Variants in ABCC3 observed in about 807,000 individuals in gnomAD.
ABCC3 encodes ATP binding cassette subfamily C member 3.
In ABCC3, 121 loss-of-function variants were observed where a neutral mutation model predicts 165.3. The observed-to-expected ratio is 0.73, with a 90% CI of 0.63 to 0.85. The LOEUF (loss-of-function observed/expected upper bound fraction) is 0.85, where lower values mean the gene tolerates loss of function less well. ABCC3 is among the 40% of genes least tolerant of loss of function. The pLI is 0.00. For missense variants in ABCC3, 1,869 were observed against 1,964.1 expected (o/e 0.95, Z 0.92); for synonymous variants, 733 against 810.1 (o/e 0.90, Z 1.62).
intron 2 of ABCC3, among the ~76,000 whole-genome samples, chr17:50,656,501 C>A (rs1967251290): frequency 1.3e-5 from 2 of 152,214 alleles, no homozygotes; most frequent in Non-Finnish European, 2.9e-5. Context: ...CTGACATATT[C>A]CCCACTTGGG....
chr17:50,657,233 G>A, intron 4 of ABCC3, 50 bp downstream of exon 4: 1 of 1,595,460 alleles, frequency 6.3e-7, no homozygotes, highest in East Asian at 2.2e-5. Flanking sequence ...TGATAGGAGG[G>A]TGACCTCAGG....
chr17:50,680,670 T>C (rs889547878), intron 26 of ABCC3, among the ~76,000 whole-genome samples: 1 of 151,994 alleles, frequency 6.6e-6, no homozygotes, highest in Non-Finnish European at 1.5e-5. Context: ...ACACAAACGC[T>C]CTCACCTGCC....
chr17:50,657,023 G>A (rs1320232634), intron 3 of ABCC3, 23 bp from the exon 4 acceptor site: 1 of 1,609,122 alleles, frequency 6.2e-7, no homozygotes, highest in Non-Finnish European at 8.5e-7. Flanking sequence ...TTCTGCCCGG[G>A]CCTCCCTGCC....
At chr17:50,666,012 C>T (rs572945902) in intron 11 of ABCC3, among the ~76,000 whole-genome samples, 6 of 152,228 alleles carry the variant, frequency 3.9e-5, no homozygotes, top group African/African-American at 7.2e-5. Context: ...TCACCCCCTG[C>T]GGACTGGCCA....
rs2146622509 is a variant in ABCC3, at chr17:50,669,285, C to T, written c.2064+19C>T. On this transcript the variant is annotated intron_variant, in intron 16 of 30. Coordinates refer to ENST00000285238, the MANE Select transcript of ABCC3 (RefSeq NM_003786.4). Reference sequence around the variant, plus strand: ...CATGAAGGTGAGAGAGGCAGGGGCTCCTGGGCAGGGTGTGGGGCTCAGCCA... The same window carrying T: ...CATGAAGGTGAGAGAGGCAGGGGCTTCTGGGCAGGGTGTGGGGCTCAGCCA... The T allele has an allele frequency of 6.2e-7, 1 of 1,614,054 alleles. No homozygotes were observed. The highest frequency in any genetic ancestry group is 8.5e-7 in the Non-Finnish European group (1 of 1,179,990).
Position 50,658,449 on chromosome 17 carries a change from G to C in ABCC3, c.627G>C (p.Glu209Asp). 6.2e-7 allele frequency: 1 copy of C among 1,614,118 alleles called. No individual in the cohort carries two copies. The highest frequency in any genetic ancestry group is 2.2e-5 in the East Asian group (1 of 44,884). Reference sequence around the variant, plus strand: ...TCGCCTTCTAGAACCCCTACCCTGAGACCAGCGCTGGCTTTCTCTCCCGCC... The same window carrying C: ...TCGCCTTCTAGAACCCCTACCCTGACACCAGCGCTGGCTTTCTCTCCCGCC... ...AKNVDPNPYP[E>D]TSAGFLSRLF... is the part of the protein sequence containing the mutation. Residue 209 changes from glutamate (E) to aspartate (D), a missense_variant, in exon 6 of 31, where the codon GAG (glutamate) becomes GAC (aspartate). Physicochemically the swap from Glu to Asp is conservative, Grantham distance 45. Transcript: ENST00000285238.
At chr17:50,638,473 G>T (rs1232654070) in intron 1 of ABCC3, among the ~76,000 whole-genome samples, 1 of 152,306 alleles carries the variant, frequency 6.6e-6, no homozygotes, top group African/African-American at 2.4e-5. Context: ...TGGCGGAGAT[G>T]CTGGAGAGAG....
At chr17:50,671,295 C>A (rs1265492192) in intron 17 of ABCC3, among the ~76,000 whole-genome samples, 3 of 151,718 alleles carry the variant, frequency 2.0e-5, no homozygotes, top group African/African-American at 7.3e-5. Flanking sequence ...TTAATCATTT[C>A]TTAGTGTACA....
chr17:50,665,533 C>T lies in ABCC3; in HGVS notation c.1431+288C>T, dbSNP rs138127233. 3.9e-5 allele frequency among the ~76,000 whole-genome samples: 6 copies of T among 152,280 alleles called. No homozygotes were observed. In the East Asian group the frequency reaches 5.8e-4, roughly 15 times the overall value. On this transcript the variant is annotated intron_variant, in intron 11 of 30. Coordinates refer to ENST00000285238, the MANE Select transcript of ABCC3 (RefSeq NM_003786.4). ...ATCCTGGTCTAACAAGGAGTTTTCC[C>T]GCTGCACTGTGCTAAGCATGAATAG...
rs373546537 is a variant in ABCC3, at chr17:50,668,551, A to C, written c.1870+34A>C. On this transcript the variant is annotated intron_variant, in intron 14 of 30. Coordinates refer to ENST00000285238, the MANE Select transcript of ABCC3 (RefSeq NM_003786.4). The stretch of plus-strand genomic sequence containing the variant: ...AGCCCCTACCTGGGCTGCCTGCCCC[A>C]GTCCTTGCTCCAGAAAAACCTCTGT... 38 of 1,526,494 alleles carry C rather than the reference A, an allele frequency of 2.5e-5. No homozygotes were observed. In the African/African-American group the frequency reaches 5.1e-4, roughly 21 times the overall value. The allele number at this position is 1,526,494 out of a possible 1,614,324, so 94.6% of individuals were successfully genotyped here.
chr17:50,673,968 C>CTT (rs1567835519), intron 19 of ABCC3, among the ~76,000 whole-genome samples: 1 of 17,014 alleles, frequency 5.9e-5, no homozygotes, highest in Non-Finnish European at 1.1e-4. Context: ...TTCTTTCTTT[C>CTT]TTTCTTTCTT....
intron 1 of ABCC3, among the ~76,000 whole-genome samples, chr17:50,653,128 C>T (rs565597214): frequency 2.2e-4 from 33 of 151,866 alleles, no homozygotes; most frequent in African/African-American, 8.0e-4. Context: ...GGTGGATCAC[C>T]TGAGGTCAGG....
intron 22 of ABCC3, 44 bp from the exon 23 acceptor site, chr17:50,676,234 C>T: frequency 1.3e-6 from 2 of 1,593,924 alleles, no homozygotes; most frequent in South Asian, 2.3e-5. Flanking sequence ...TTTGTGCCCG[C>T]TCACTAGTCC....
Position 50,675,484 on chromosome 17 carries a change from C to A in ABCC3, c.2714+8C>A. 6.2e-7 allele frequency: 1 copy of A among 1,610,388 alleles called. No homozygotes were observed. Among genetic ancestry groups the A allele is most frequent in the South Asian group, 1.1e-5 (1 of 90,520 alleles). On this transcript the variant is annotated splice_region_variant and intron_variant, in intron 20 of 30. Transcript: ENST00000285238. ...CCAGAAGCAGTTTATGAGGTGAGTT[C>A]CTGAGAGCTCCCAGCCCTCCCGGAG...
rs1182982667 is a variant in ABCC3, at chr17:50,678,050, G to GCCCTGC, written c.3579-33_3579-28dup. 30 of 1,613,802 alleles carry GCCCTGC rather than the reference G, an allele frequency of 1.9e-5. No homozygotes were observed. In the Middle Eastern group the frequency reaches 8.2e-4, roughly 44 times the overall value. On this transcript the variant is annotated intron_variant, in intron 24 of 30. Transcript: ENST00000285238. ...TTCCCCTAAGCAGAAAACTGGCCCT[G>GCCCTGC]CCCTGCCCCTGCCCCATTTCCTCCT...
intron 10 of ABCC3, among the ~76,000 whole-genome samples, chr17:50,664,875 G>T (rs1967486461): frequency 6.6e-6 from 1 of 152,070 alleles, no homozygotes; most frequent in South Asian, 2.1e-4. Flanking sequence ...GAGGGAGGTG[G>T]GTGTGACTCT....
rs776817609 is a variant in ABCC3, at chr17:50,668,437, T to G, written c.1790T>G (p.Val597Gly). 1.2e-6 allele frequency: 2 copies of G among 1,613,840 alleles called. No homozygotes were observed. The highest frequency in any genetic ancestry group is 8.5e-7 in the Non-Finnish European group (1 of 1,179,852). The stretch of plus-strand genomic sequence containing the variant: ...ACTCACATCCTCCCGTAGGCCAGTG[T>G]GTCTCTGAAACGGATCCAGCAATTC... ...QLISNLTQAS[V>G]SLKRIQQFLS... Residue 597 changes from valine (V) to glycine (G), a missense_variant, in exon 14 of 31, where the codon GTG becomes GGG. Val to Gly is a moderately radical substitution (Grantham distance 109). Coordinates refer to ENST00000285238, the MANE Select transcript of ABCC3 (RefSeq NM_003786.4).
At position 50,655,419 on chromosome 17, in the gene ABCC3, A is replaced by AAC. The variant is rs1481991060; in HGVS notation, c.46-412_46-411insCA. Among the ~76,000 whole-genome samples the AAC allele has an allele frequency of 1.0e-4, 15 of 148,566 alleles. 1 individual carries two copies. The highest frequency in any genetic ancestry group is 1.3e-4 in the Non-Finnish European group (9 of 67,300). Reference sequence around the variant, plus strand: ...GACTCTGTCTCAAAAAAAAAAAAAAAAACAAAAACAAAAAAAAAAGAGTGG... The same window carrying AAC: ...GACTCTGTCTCAAAAAAAAAAAAAAAACAACAAAAACAAAAAAAAAAGAGTGG... On this transcript the variant is annotated intron_variant, in intron 1 of 30. Coordinates refer to ENST00000285238, the MANE Select transcript of ABCC3 (RefSeq NM_003786.4).
intron 1 of ABCC3, among the ~76,000 whole-genome samples, chr17:50,654,891 G>T (rs1174504306): frequency 6.8e-6 from 1 of 147,756 alleles, no homozygotes; most frequent in Non-Finnish European, 1.5e-5. Flanking sequence ...AAGAGATCGA[G>T]ACCATCCTGG....
Sources: gnomAD v4.1 joint callset for allele counts (sites outside exome capture counted in the v4.1 genomes callset) on GRCh38, gnomAD v4.1.1 for gene constraint, MANE v1.5 for transcripts, NCBI Gene and HGNC (gene_info 2026-07-23, HGNC 2026-07-21) for gene names.